The following SENP7 variants were observed in gnomAD, a reference collection of about 807,000 sequenced individuals.
The protein encoded by SENP7 is sentrin-specific protease 7.
A neutral mutation model predicts 141.2 loss-of-function variants in SENP7; 64 were observed. That is an observed-to-expected ratio of 0.45 (90% confidence interval 0.37 to 0.56). The LOEUF (loss-of-function observed/expected upper bound fraction) is 0.56. SENP7 is among the 20% of genes least tolerant of loss of function. The pLI is 0.00. For missense variants in SENP7, 1,025 were observed against 1,212.2 expected (o/e 0.85, Z 2.29); for synonymous variants, 382 against 426.4 (o/e 0.90, Z 1.28).
At chr3:101,401,586 A>G (rs535648657) in intron 5 of SENP7, among the ~76,000 whole-genome samples, 6 of 152,242 alleles carry the variant, frequency 3.9e-5, no homozygotes, top group East Asian at 1.9e-4. Context: ...CACACAAATA[A>G]TAAGAAAGCA....
rs182380678 is a variant in SENP7 at position 101,381,116 on chromosome 3, G to A, written c.678-8990C>T. Reference sequence around the variant, plus strand: ...AATTCTAAGGCGAATGCATGGGAATGGGACAGAATGGGCAAAGTGGGGAAC... The same window carrying A: ...AATTCTAAGGCGAATGCATGGGAATAGGACAGAATGGGCAAAGTGGGGAAC... On this transcript the variant is annotated intron_variant, in intron 6 of 23. Transcript: ENST00000394095. 5.6e-4 allele frequency among the ~76,000 whole-genome samples: 85 copies of A among 152,320 alleles called. 1 individual carries two copies. The highest frequency in any genetic ancestry group is 1.9e-3 in the African/African-American group (79 of 41,570).
intron 3 of SENP7, among the ~76,000 whole-genome samples, chr3:101,489,271 A>ACT (rs2108081506): frequency 6.6e-6 from 1 of 152,290 alleles, no homozygotes; most frequent in East Asian, 1.9e-4. Context: ...TCTATACAAC[A>ACT]ACCAACAACA....
intron 10 of SENP7, among the ~76,000 whole-genome samples, chr3:101,362,149 G>A (rs534961103): frequency 6.6e-6 from 1 of 152,212 alleles, no homozygotes; most frequent in Non-Finnish European, 1.5e-5. Context: ...ACATTCAATA[G>A]TCTCTAATAG....
chr3:101,332,780 C>T lies in SENP7; in HGVS notation c.2563G>A (p.Val855Ile). Residue 855 changes from valine (V) to isoleucine (I), a missense_variant, in exon 18 of 24, where the codon GTA (valine) becomes ATA (isoleucine). By Grantham distance (29) the Val-to-Ile change is conservative. This residue lies in a region of SENP7 where 295 missense variants were observed against 459.1 expected (regional missense o/e 0.64). Transcript: ENST00000394095. ...IFNKDYIFVP[V>I]NESSHWYLAV... Reference sequence around the variant, plus strand: ...ATCTGAAATACTTACGACTCATTTACAGGTACAAAGATGTAATCTTTATTA... The same window carrying T: ...ATCTGAAATACTTACGACTCATTTATAGGTACAAAGATGTAATCTTTATTA... 1 of 1,512,150 alleles carries T rather than the reference C, an allele frequency of 6.6e-7. No individual in the cohort carries two copies. The highest frequency in any genetic ancestry group is 8.8e-7 in the Non-Finnish European group (1 of 1,137,144). 93.7% of individuals were successfully genotyped at this position (1,512,150 alleles called of 1,614,324 possible).
chr3:101,361,623 T>A, intron 11 of SENP7, 92 bp downstream of exon 11: 2 of 1,270,170 alleles, frequency 1.6e-6, no homozygotes, highest in Non-Finnish European at 2.1e-6. Context: ...ATCTTAATTC[T>A]ATTCTTATTT....
In SENP7 at chr3:101,434,760, A is replaced by T. The variant is rs755794852; in HGVS notation, c.285-16970T>A. On this transcript the variant is annotated intron_variant, in intron 4 of 23. Coordinates refer to ENST00000394095, the MANE Select transcript of SENP7 (RefSeq NM_020654.5). ...CTGAACAGACCAATAGCAAGCAATG[A>T]GATCAAAGCTGTAATTAAAAGTCTC... is the stretch of plus-strand genomic sequence containing the variant. Among the ~76,000 whole-genome samples the T allele has an allele frequency of 3.9e-5, 6 of 152,274 alleles. No individual in the cohort carries two copies. The South Asian group carries it at 1.2e-3, about 32-fold the overall frequency.
At chr3:101,409,301 A>G (rs2061389553) in intron 5 of SENP7, among the ~76,000 whole-genome samples, 1 of 152,224 alleles carries the variant, frequency 6.6e-6, no homozygotes, top group Admixed American at 6.5e-5. Flanking sequence ...AACACAAACA[A>G]CTGGAAACAC....
At chr3:101,428,485 G>T (rs192853132) in intron 4 of SENP7, among the ~76,000 whole-genome samples, 7 of 152,098 alleles carry the variant, frequency 4.6e-5, no homozygotes, top group Non-Finnish European at 8.8e-5. Flanking sequence ...TGTTGGCTGC[G>T]TAAATGTCTT....
At chr3:101,449,497 C>T (rs1396843929) in intron 4 of SENP7, among the ~76,000 whole-genome samples, 1 of 152,194 alleles carries the variant, frequency 6.6e-6, no homozygotes, top group Non-Finnish European at 1.5e-5. Flanking sequence ...CAAAGGGAAG[C>T]CCATCAGACT....
intron 11 of SENP7, among the ~76,000 whole-genome samples, chr3:101,352,073 A>G (rs1484643928): frequency 6.6e-6 from 1 of 152,010 alleles, no homozygotes; most frequent in African/African-American, 2.4e-5. Flanking sequence ...ATGAACTCAC[A>G]CTAACCAAAC....
intron 5 of SENP7, among the ~76,000 whole-genome samples, chr3:101,409,563 C>T (rs2061397154): frequency 6.6e-6 from 1 of 152,130 alleles, no homozygotes; most frequent in Non-Finnish European, 1.5e-5. Context: ...ACCAAAACAG[C>T]ATGGTACTGA....
chr3:101,494,886 C>T (rs2065103755), intron 2 of SENP7, among the ~76,000 whole-genome samples: 1 of 152,028 alleles, frequency 6.6e-6, no homozygotes, highest in Non-Finnish European at 1.5e-5. Context: ...TAGGCACAAG[C>T]AAATATCTCA....
intron 1 of SENP7, among the ~76,000 whole-genome samples, chr3:101,507,703 T>C (rs4683848): frequency 0.4 from 60,331 of 151,946 alleles, 12,501 homozygotes; most frequent in Admixed American, 0.54. Context: ...CACCATCTCC[T>C]ATTAATATTC....
At chr3:101,431,755 G>A (rs1419309775) in intron 4 of SENP7, among the ~76,000 whole-genome samples, 1 of 149,780 alleles carries the variant, frequency 6.7e-6, no homozygotes, top group Non-Finnish European at 1.5e-5. Context: ...TTGCACTCCA[G>A]CCTGGCGGAC....
chr3:101,393,997 T>A (rs1246015019), intron 6 of SENP7, among the ~76,000 whole-genome samples: 1 of 152,182 alleles, frequency 6.6e-6, no homozygotes, highest in Non-Finnish European at 1.5e-5. Context: ...CTAGCTATTT[T>A]AAAATATACA....
intron 3 of SENP7, among the ~76,000 whole-genome samples, chr3:101,480,592 C>A (rs1316254082): frequency 3.9e-5 from 6 of 152,062 alleles, no homozygotes; most frequent in African/African-American, 1.4e-4. Context: ...CTCAGGACAT[C>A]GGTCTAGGCA....
At chr3:101,511,713 G>A (rs545660345) in intron 1 of SENP7, among the ~76,000 whole-genome samples, 2 of 152,360 alleles carry the variant, frequency 1.3e-5, no homozygotes, top group African/African-American at 4.8e-5. Context: ...AGTGTCCCCA[G>A]AGATCCATAA....
At chr3:101,351,990 T>C (rs1382906874) in intron 11 of SENP7, among the ~76,000 whole-genome samples, 1 of 151,946 alleles carries the variant, frequency 6.6e-6, no homozygotes, top group Non-Finnish European at 1.5e-5. Context: ...CTCTGGTAAA[T>C]ATAAATAGTC....
intron 6 of SENP7, among the ~76,000 whole-genome samples, chr3:101,375,975 T>C (rs956900316): frequency 6.6e-6 from 1 of 151,908 alleles, no homozygotes; most frequent in East Asian, 1.9e-4. Context: ...GAGGGGAGAA[T>C]GGGGAATTAT....
Sources: gnomAD v4.1 joint callset for allele counts (sites outside exome capture counted in the v4.1 genomes callset) on GRCh38, gnomAD v4.1.1 for gene constraint, gnomAD v4.1.1 regional missense constraint, MANE v1.5 for transcripts, NCBI Gene and HGNC (gene_info 2026-07-23, HGNC 2026-07-21) for gene names.